DMD: variants seen among roughly 807,000 people sequenced by gnomAD.
DMD encodes the protein mutant dystrophin.
Under a neutral mutation model 330.1 loss-of-function variants are expected in DMD, and 63 were observed. The observed-to-expected ratio is 0.19, with a 90% CI of 0.16 to 0.24. The LOEUF (loss-of-function observed/expected upper bound fraction) is 0.24, where lower values mean the gene tolerates loss of function less well. DMD is among the 10% of genes least tolerant of loss of function. The probability of loss-of-function intolerance (pLI) is 1.00; values close to 1 mark genes in which losing one functional copy is unlikely to be tolerated. For synonymous variants in DMD, 1,223 were observed against 959.8 expected, an observed-to-expected ratio of 1.27 and a Z score of -5.07; for missense variants, 3,344 against 2,684.1, an observed-to-expected ratio of 1.25 and a Z score of -5.43.
Position 32,748,137 on chromosome X carries a change from G to C in DMD, c.650-48844C>G, listed in dbSNP as rs192253365. ...GCAGGCAGATCACCTGAGGACAGAA[G>C]TACGAGACCAGCCTGGCCAACATGG... On this transcript the variant is annotated intron_variant, in intron 7 of 78. Transcript: ENST00000357033. Among the ~76,000 whole-genome samples, 374 of 110,181 alleles carry C rather than the reference G, an allele frequency of 3.4e-3. 5 individuals carry two copies. Among genetic ancestry groups the C allele is most frequent in the Admixed American group, 0.027 (276 of 10,292 alleles).
chrX:32,639,788 G>A (rs1442819549), intron 11 of DMD, among the ~76,000 whole-genome samples: 2 of 111,392 alleles, frequency 1.8e-5, no homozygotes, highest in African/African-American at 3.3e-5. Flanking sequence ...AACTGCAAAT[G>A]TATTTCTAAT....
At chrX:31,134,237 G>T (rs745473007) in intron 76 of DMD, 43 bp from the exon 77 acceptor site, 78 of 1,059,183 alleles carry the variant, frequency 7.4e-5, no homozygotes, top group Non-Finnish European at 8.1e-5. Flanking sequence ...TACATTTATA[G>T]AAAACAGATA....
intron 33 of DMD, among the ~76,000 whole-genome samples, chrX:32,382,634 GT>G (rs2097932452): frequency 1.9e-5 from 2 of 105,798 alleles, no homozygotes; most frequent in East Asian, 5.9e-4. Flanking sequence ...TTTTTCCTAA[GT>G]AAAAGCATCT....
chrX:32,124,379 T>G (rs779672622), intron 44 of DMD, among the ~76,000 whole-genome samples: 41 of 112,201 alleles, frequency 3.7e-4, no homozygotes, highest in Middle Eastern at 9.2e-3. Context: ...TCTGCTGTAT[T>G]GACTCATTCC....
Position 32,364,028 on chromosome X carries a change from T to C in DMD, c.5154+554A>G, listed in dbSNP as rs767723960. ...TTTTAAAGAAAAGATTAAGTTCCCCTTGAAAAAGAAGACAGGGCATCCTAA... is the reference window on the plus strand; with the variant it reads ...TTTTAAAGAAAAGATTAAGTTCCCCCTGAAAAAGAAGACAGGGCATCCTAA... On this transcript the variant is annotated intron_variant, in intron 36 of 78. Coordinates refer to ENST00000357033, the MANE Select transcript of DMD (RefSeq NM_004006.3). Among the ~76,000 whole-genome samples the C allele has an allele frequency of 1.8e-3, 204 of 111,835 alleles. 1 individual carries two copies. Among genetic ancestry groups the C allele is most frequent in the Non-Finnish European group, 2.9e-3 (152 of 53,088 alleles).
At chrX:32,490,307 G>C (rs1470753038) in intron 20 of DMD, among the ~76,000 whole-genome samples, 1 of 111,802 alleles carries the variant, frequency 8.9e-6, no homozygotes, top group Non-Finnish European at 1.9e-5. Context: ...AAAGCACATA[G>C]CTCATAGTAA....
chrX:32,215,765 T>C (rs888572743), intron 44 of DMD, among the ~76,000 whole-genome samples: 20 of 111,859 alleles, frequency 1.8e-4, no homozygotes, highest in African/African-American at 6.5e-4. Flanking sequence ...ACTTCAGTGC[T>C]ATTTTTAAAA....
At chrX:31,747,132 G>C (rs73210171) in intron 51 of DMD, among the ~76,000 whole-genome samples, 6,375 of 111,247 alleles carry the variant, frequency 0.057, 184 homozygotes, top group Non-Finnish European at 0.088. Context: ...TAGGTGAGTG[G>C]AATTGCTATT....
At chrX:32,571,523 T>G (rs902378808) in intron 15 of DMD, among the ~76,000 whole-genome samples, 1 of 111,690 alleles carries the variant, frequency 9.0e-6, no homozygotes, top group Non-Finnish European at 1.9e-5. Context: ...CCCTGAAATC[T>G]ATTCGTTTCA....
At chrX:32,818,590 A>T (rs1202984912) in intron 5 of DMD, among the ~76,000 whole-genome samples, 2 of 111,850 alleles carry the variant, frequency 1.8e-5, no homozygotes, top group Admixed American at 1.9e-4. Context: ...ATCAATTTTT[A>T]AAAGGAAAAA....
chrX:31,698,112 T>G (rs1275244374), intron 52 of DMD, among the ~76,000 whole-genome samples: 1 of 111,833 alleles, frequency 8.9e-6, no homozygotes, highest in East Asian at 2.8e-4. Flanking sequence ...TGCTAGGGAG[T>G]GCACACTATG....
At chrX:32,210,214 A>C (rs2097088447) in intron 44 of DMD, among the ~76,000 whole-genome samples, 1 of 112,280 alleles carries the variant, frequency 8.9e-6, no homozygotes, top group Non-Finnish European at 1.9e-5. Flanking sequence ...AAGTGACTAG[A>C]GACAAATTCT....
chrX:32,964,500 G>T (rs929932234), intron 2 of DMD, among the ~76,000 whole-genome samples: 2 of 109,861 alleles, frequency 1.8e-5, no homozygotes, highest in African/African-American at 6.6e-5. Context: ...CTGAGGTCAG[G>T]AGTTTGAGAC....
At chrX:31,582,161 C>T (rs1050537703) in intron 55 of DMD, among the ~76,000 whole-genome samples, 1 of 111,659 alleles carries the variant, frequency 9.0e-6, no homozygotes, top group African/African-American at 3.3e-5. Context: ...GGGGCGTGTT[C>T]ATCCTGTACA....
intron 62 of DMD, among the ~76,000 whole-genome samples, chrX:31,291,795 A>G (rs1413234482): frequency 1.8e-5 from 2 of 111,217 alleles, no homozygotes; most frequent in South Asian, 3.8e-4. Context: ...AAACCTTGAC[A>G]AGAATGGCAG....
chrX:32,870,981 A>AAAAAAAAAAAAAAAAAAAAAAAG (rs1569537090), intron 2 of DMD, among the ~76,000 whole-genome samples: 2 of 82,578 alleles, frequency 2.4e-5, no homozygotes, highest in East Asian at 7.8e-4. Flanking sequence ...AAAAAAAAAA[A>AAAAAAAAAAAAAAAAAAAAAAAG]AAAAAAACCA....
rs370894753 is a variant in DMD at position 32,062,359 on chromosome X, T to C, written c.6439-93845A>G. Among the ~76,000 whole-genome samples the C allele has an allele frequency of 4.9e-4, 55 of 111,215 alleles. No individual in the cohort carries two copies. The South Asian group carries it at 0.019, about 38-fold the overall frequency. On this transcript the variant is annotated intron_variant, in intron 44 of 78. Transcript: ENST00000357033. ...GAATACAGATATTAACCTAGAAATA[T>C]GTTCTTGAATAATTACGTGACAAGA...
At chrX:31,741,831 T>C (rs1410820824) in intron 51 of DMD, among the ~76,000 whole-genome samples, 2 of 111,678 alleles carry the variant, frequency 1.8e-5, no homozygotes, top group Non-Finnish European at 3.8e-5. Flanking sequence ...TCTCTAGCTA[T>C]GAAAGTCCTA....
chrX:33,090,605 T>C (rs964488667), intron 1 of DMD, among the ~76,000 whole-genome samples: 21 of 107,991 alleles, frequency 1.9e-4, no homozygotes, highest in Non-Finnish European at 1.1e-4. Context: ...CAAAAGAGAG[T>C]TTGTCTTTTC....
Sources: allele counts gnomAD v4.1 joint callset (sites outside exome capture counted in the v4.1 genomes callset), GRCh38; gene constraint gnomAD v4.1.1; transcripts MANE v1.5; gene names NCBI Gene and HGNC (gene_info 2026-07-23, HGNC 2026-07-21).